Variants in CPA6 observed in about 807,000 individuals in gnomAD.
CPA6 encodes carboxypeptidase B.
A neutral mutation model predicts 63.3 loss-of-function variants in CPA6; 58 were observed. The observed-to-expected ratio is 0.92, with a 90% CI of 0.74 to 1.14. The LOEUF is 1.14. Ranked by LOEUF, CPA6 falls within the 50% of genes most tolerant of loss-of-function variation. The pLI, the probability that CPA6 is intolerant of heterozygous loss-of-function variation, is 0.00. For synonymous variants in CPA6, 185 were observed against 179.0 expected (o/e 1.03, Z -0.27); for missense variants, 565 against 526.6 (o/e 1.07, Z -0.71).
chr8:67,624,663 G>A (rs2128987042), intron 1 of CPA6, among the ~76,000 whole-genome samples: 1 of 152,308 alleles, frequency 6.6e-6, no homozygotes, highest in African/African-American at 2.4e-5. Context: ...GTGAGAGGAT[G>A]TGAAATCCAC....
rs554886720 is a variant in CPA6, at chr8:67,511,466, A to G, written c.432+75T>C. 9.5e-5 allele frequency: 78 copies of G among 823,848 alleles called. 1 individual carries two copies. The East Asian group carries it at 1.7e-3, about 17-fold the overall frequency. The allele number at this position is 823,848 out of a possible 1,614,324, so 51.0% of individuals were successfully genotyped here. ...CTTCTCCCCTAGAAGCATAAAACAC[A>G]TAATTTTCTCCCTTAGACCTAAATG... is the stretch of plus-strand genomic sequence containing the variant. On this transcript the variant is annotated intron_variant, in intron 4 of 10. Transcript: ENST00000297770.
At position 67,462,588 on chromosome 8, in the gene CPA6, A is replaced by G. The variant is rs148392078; in HGVS notation, c.838+21180T>C. ...TATTTCTTTTTGGATGGACATTGCC[A>G]AAGACCCATTCACACTCAAAAGCAA... On this transcript the variant is annotated intron_variant, in intron 8 of 10. Coordinates refer to ENST00000297770, the MANE Select transcript of CPA6 (RefSeq NM_020361.5). Among the ~76,000 whole-genome samples, 837 of 152,294 alleles carry G rather than the reference A, an allele frequency of 5.5e-3. 13 individuals carry two copies. Among genetic ancestry groups the G allele is most frequent in the East Asian group, 0.03 (154 of 5,180 alleles).
At chr8:67,690,037 A>T (rs373467382) in intron 1 of CPA6, among the ~76,000 whole-genome samples, 3 of 152,086 alleles carry the variant, frequency 2.0e-5, no homozygotes, top group South Asian at 2.1e-4. Flanking sequence ...ATGATAATGA[A>T]TTTTTTTATA....
intron 1 of CPA6, among the ~76,000 whole-genome samples, chr8:67,659,747 C>T (rs969053945): frequency 2.6e-5 from 4 of 152,212 alleles, no homozygotes; most frequent in Non-Finnish European, 4.4e-5. Flanking sequence ...ACTTTACATT[C>T]CCCAAAGTGT....
intron 2 of CPA6, among the ~76,000 whole-genome samples, chr8:67,617,630 G>T (rs907755597): frequency 2.0e-5 from 3 of 152,164 alleles, no homozygotes; most frequent in African/African-American, 7.2e-5. Context: ...TAAAGTATTA[G>T]ATTTTTATTG....
At chr8:67,467,645 C>T (rs541732696) in intron 8 of CPA6, among the ~76,000 whole-genome samples, 8 of 152,110 alleles carry the variant, frequency 5.3e-5, no homozygotes, top group Non-Finnish European at 1.0e-4. Flanking sequence ...CTGTAGTTTC[C>T]TAACCAGTCC....
chr8:67,422,558 T>A lies in CPA6; in HGVS notation c.1260A>T (p.Glu420Asp), dbSNP rs1346316859. The A allele has an allele frequency of 8.7e-6, 14 of 1,614,084 alleles. No homozygotes were observed. The highest frequency in any genetic ancestry group is 1.2e-5 in the Non-Finnish European group (14 of 1,179,988). Residue 420 changes from glutamate to aspartate, a missense_variant, in exon 11 of 11, where the codon GAA becomes GAT. Glu to Asp is a conservative substitution (Grantham distance 45). Transcript: ENST00000297770. Reference sequence around the variant, plus strand: ...TGATATTTTTCACAGCCAGCATAGTTTCTGTACAGGTGGGTTTGATGAGCA... The same window carrying A: ...TGATATTTTTCACAGCCAGCATAGTATCTGTACAGGTGGGTTTGATGAGCA... ...PEMLIKPTCTETMLAVKNITM... is the reference protein window; with the variant it reads ...PEMLIKPTCTDTMLAVKNITM...
intron 1 of CPA6, among the ~76,000 whole-genome samples, chr8:67,692,080 T>C (rs1161930966): frequency 6.6e-6 from 1 of 152,210 alleles, no homozygotes; most frequent in East Asian, 1.9e-4. Flanking sequence ...TTCAAGCCTG[T>C]AATCCCAGCA....
At chr8:67,606,877 T>G (rs376196091) in intron 2 of CPA6, among the ~76,000 whole-genome samples, 1 of 152,218 alleles carries the variant, frequency 6.6e-6, no homozygotes, top group South Asian at 2.1e-4. Flanking sequence ...ACTTCTGGTT[T>G]GTTCAGGTTT....
At chr8:67,672,839 T>C (rs546610118) in intron 1 of CPA6, among the ~76,000 whole-genome samples, 1 of 152,292 alleles carries the variant, frequency 6.6e-6, no homozygotes, top group South Asian at 2.1e-4. Context: ...AAATAAGCCC[T>C]AACTGCCTCA....
chr8:67,553,299 C>G (rs562349834), intron 2 of CPA6, among the ~76,000 whole-genome samples: 1 of 152,232 alleles, frequency 6.6e-6, no homozygotes, highest in South Asian at 2.1e-4. Context: ...TATTCTATAC[C>G]AAGCACCATG....
At chr8:67,508,742 A>AG (rs1811983180) in intron 5 of CPA6, among the ~76,000 whole-genome samples, 1 of 152,048 alleles carries the variant, frequency 6.6e-6, no homozygotes, top group African/African-American at 2.4e-5. Context: ...TGATGATTAG[A>AG]GGTAAGTCTT....
intron 1 of CPA6, among the ~76,000 whole-genome samples, chr8:67,643,818 G>C (rs887157515): frequency 2.0e-5 from 3 of 152,152 alleles, no homozygotes; most frequent in African/African-American, 4.8e-5. Context: ...AGAAAATGTA[G>C]ATTCTCAGGC....
intron 8 of CPA6, among the ~76,000 whole-genome samples, chr8:67,437,857 G>A (rs1199262263): frequency 2.0e-5 from 3 of 151,172 alleles, no homozygotes; most frequent in African/African-American, 7.2e-5. Context: ...TAGAAGGAAA[G>A]AAAAAGCTAA....
At position 67,571,783 on chromosome 8, in the gene CPA6, A is replaced by G. The variant is rs557687278; in HGVS notation, c.192+52393T>C. Reference sequence around the variant, plus strand: ...CAATCTAATATCACATCTAAAGGAAATACAAAAAAGAAGAACAAACTAAGC... The same window carrying G: ...CAATCTAATATCACATCTAAAGGAAGTACAAAAAAGAAGAACAAACTAAGC... On this transcript the variant is annotated intron_variant, in intron 2 of 10. Coordinates refer to ENST00000297770, the MANE Select transcript of CPA6 (RefSeq NM_020361.5). Among the ~76,000 whole-genome samples, 10 of 152,246 alleles carry G rather than the reference A, an allele frequency of 6.6e-5. No homozygotes were observed. The South Asian group carries it at 1.9e-3, about 28-fold the overall frequency.
chr8:67,531,979 C>T (rs1053888275), intron 2 of CPA6, among the ~76,000 whole-genome samples: 4 of 151,864 alleles, frequency 2.6e-5, no homozygotes, highest in Non-Finnish European at 5.9e-5. Context: ...GAAATTAGAC[C>T]CAAATCACAA....
intron 10 of CPA6, among the ~76,000 whole-genome samples, chr8:67,424,122 C>T (rs547159888): frequency 2.7e-4 from 41 of 152,294 alleles, no homozygotes; most frequent in African/African-American, 9.9e-4. Context: ...TGATCTGTCA[C>T]TGTCTCCCAT....
At chr8:67,424,479 C>T (rs562266664) in intron 10 of CPA6, among the ~76,000 whole-genome samples, 5 of 152,224 alleles carry the variant, frequency 3.3e-5, no homozygotes, top group Middle Eastern at 3.4e-3. Flanking sequence ...CTTTTACATG[C>T]GTCACCTCTT....
chr8:67,713,099 G>GTGTGTGTGTGTGTATATATATATA (rs1328463977), intron 1 of CPA6, among the ~76,000 whole-genome samples: 2 of 55,026 alleles, frequency 3.6e-5, no homozygotes, highest in Admixed American at 2.8e-4. Flanking sequence ...GTGTGTGTGT[G>GTGTGTGTGTGTGTATATATATATA]TATATATATA....
Sources: gnomAD v4.1 joint callset for allele counts (sites outside exome capture counted in the v4.1 genomes callset) on GRCh38, gnomAD v4.1.1 for gene constraint, MANE v1.5 for transcripts, NCBI Gene and HGNC (gene_info 2026-07-23, HGNC 2026-07-21) for gene names.